THRAP3: variants seen among roughly 807,000 people sequenced by gnomAD.
THRAP3 encodes thyroid hormone receptor associated protein 3.
In THRAP3, 16 loss-of-function variants were observed where a neutral mutation model predicts 101.0. The ratio of observed to expected loss-of-function variants is 0.16; its 90% CI spans 0.11 to 0.24. The LOEUF is 0.24. Among genes scored for constraint, THRAP3 ranks in the 10% least tolerant of loss-of-function variants. The pLI is 1.00. For missense variants in THRAP3, 989 were observed against 1,202.7 expected (o/e 0.82, Z 2.63); for synonymous variants, 407 against 422.6 (o/e 0.96, Z 0.45).
At chr1:36,209,341 T>G in the THRAP3 span, among the ~76,000 whole-genome samples, 1 of 151,920 alleles carries the variant, frequency 6.6e-6, no homozygotes, top group Non-Finnish European at 1.5e-5. Flanking sequence ...AGATGAAGAG[T>G]TTCTCAACCT....
At chr1:36,263,959 T>TCAGTGTGTGCTAG (rs1553120422) in intron 2 of THRAP3, among the ~76,000 whole-genome samples, 2 of 152,264 alleles carry the variant, frequency 1.3e-5, no homozygotes, top group African/African-American at 4.8e-5. Context: ...GCACACCTCT[T>TCAGTGTGTGCTAG]CAGTGTGACA....
Position 36,300,920 on chromosome 1 carries a change from T to C in THRAP3, c.2338T>C (p.Ser780Pro), listed in dbSNP as rs770002257. ...HRRARDRSRS[S>P]SSSSQSSHSY... Reference sequence around the variant, plus strand: ...GAGAGCAAGAGACAGGTCCAGATCCTCCTCCTCTTCCTCCCAGTCATCTCA... The same window carrying C: ...GAGAGCAAGAGACAGGTCCAGATCCCCCTCCTCTTCCTCCCAGTCATCTCA... The change falls in exon 10 of 12, where the codon TCC becomes CCC. Residue 780 changes from serine to proline, a missense_variant. Ser to Pro is a moderately conservative substitution (Grantham distance 74, BLOSUM62 -1). Coordinates refer to ENST00000354618, the MANE Select transcript of THRAP3 (RefSeq NM_005119.4). 1 of 1,613,804 alleles carries C rather than the reference T, an allele frequency of 6.2e-7. No homozygotes were observed. The highest frequency in any genetic ancestry group is 1.1e-5 in the South Asian group (1 of 91,066).
intron 2 of THRAP3, among the ~76,000 whole-genome samples, chr1:36,276,594 T>A (rs985691778): frequency 6.7e-6 from 1 of 149,642 alleles, no homozygotes; most frequent in African/African-American, 2.5e-5. Context: ...TGGAGGCTCA[T>A]GCCTGTAATC....
chr1:36,272,755 C>CCT (rs1264460284), intron 2 of THRAP3, among the ~76,000 whole-genome samples: 1 of 152,114 alleles, frequency 6.6e-6, no homozygotes, highest in Non-Finnish European at 1.5e-5. Context: ...GCATGGCTCT[C>CCT]CTGACTGGAT....
chr1:36,294,949 C>T (rs1217514555), intron 8 of THRAP3, among the ~76,000 whole-genome samples: 1 of 152,110 alleles, frequency 6.6e-6, no homozygotes, highest in African/African-American at 2.4e-5. Context: ...AACGGCCGGG[C>T]AAGGTGGCTC....
In THRAP3 at chr1:36,280,999, C is replaced by T. The variant is rs139517435; in HGVS notation, c.-31-1534C>T. 9.6e-3 allele frequency among the ~76,000 whole-genome samples: 1,439 copies of T among 150,266 alleles called. 16 individuals carry two copies. The highest frequency in any genetic ancestry group is 0.034 in the African/African-American group (1,380 of 40,942). On this transcript the variant is annotated intron_variant, in intron 2 of 11. Transcript: ENST00000354618. ...GGAGTGCAATGGCGCGATCTTGGCT[C>T]GCTGTAACCTCTGCCTCCTGGGTTC...
At chr1:36,301,502 C>A in intron 10 of THRAP3, 51 bp from the exon 11 acceptor site, 1 of 1,590,640 alleles carries the variant, frequency 6.3e-7, no homozygotes, top group South Asian at 1.1e-5. Context: ...GGGGTTTGTT[C>A]CCCATTCCTG....
intron 2 of THRAP3, among the ~76,000 whole-genome samples, chr1:36,274,834 T>C (rs1348170176): frequency 6.7e-6 from 1 of 150,334 alleles, no homozygotes; most frequent in Admixed American, 6.6e-5. Context: ...GGTTTCACCA[T>C]GTTGGCCAGG....
At chr1:36,295,954 CTTTTTTTTTTTTTTTTTT>C (rs575028397) in intron 8 of THRAP3, among the ~76,000 whole-genome samples, 11 of 60,498 alleles carry the variant, frequency 1.8e-4, no homozygotes, top group East Asian at 2.0e-3. Flanking sequence ...GCCTTCTCAA[CTTTTTTTTTTTTTTTTTT>C]TTTTTTTTTT....
chr1:36,270,143 C>G lies in THRAP3; in HGVS notation c.-32+10659C>G, dbSNP rs180934608. 2.0e-5 allele frequency among the ~76,000 whole-genome samples: 3 copies of G among 152,308 alleles called. No individual in the cohort carries two copies. The East Asian group carries it at 5.8e-4, about 29-fold the overall frequency. ...TTGGCTCATGCCTGTAATCCCAGCA[C>G]TTTGGAAGGCTGAGGAGGGAGGACT... On this transcript the variant is annotated intron_variant, in intron 2 of 11. Transcript: ENST00000354618.
rs763054528 is a variant in THRAP3, at chr1:36,301,710, G to T, written c.2646+14G>T. ...AAGTATTACTTGGTATGTGTCTGGG[G>T]ATAACCAGGAAGGGTTAGAGGGCCT... is the stretch of plus-strand genomic sequence containing the variant. On this transcript the variant is annotated intron_variant, in intron 11 of 11. Coordinates refer to ENST00000354618, the MANE Select transcript of THRAP3 (RefSeq NM_005119.4). 2 of 1,608,634 alleles carry T rather than the reference G, an allele frequency of 1.2e-6. No homozygotes were observed. Among genetic ancestry groups the T allele is most frequent in the Non-Finnish European group, 1.7e-6 (2 of 1,177,270 alleles).
intron 2 of THRAP3, among the ~76,000 whole-genome samples, chr1:36,277,406 G>T (rs1219233473): frequency 1.3e-5 from 2 of 151,174 alleles, no homozygotes; most frequent in Non-Finnish European, 2.9e-5. Flanking sequence ...CGCCATGTTG[G>T]TCAGGCTGGT....
chr1:36,262,794 A>ATTTAT, intron 2 of THRAP3, among the ~76,000 whole-genome samples: 1 of 143,398 alleles, frequency 7.0e-6, no homozygotes. Context: ...TTATTTATTT[A>ATTTAT]TTATTATTAT....
chr1:36,293,640 C>CTGTGTGTG (rs577292328), intron 7 of THRAP3, among the ~76,000 whole-genome samples: 37,023 of 133,092 alleles, frequency 0.28, 5,430 homozygotes, highest in South Asian at 0.38. Flanking sequence ...GAACCTGGGA[C>CTGTGTGTG]TGTGTGTGTG....
At chr1:36,213,955 G>GAA in the THRAP3 span, among the ~76,000 whole-genome samples, 1 of 116,220 alleles carries the variant, frequency 8.6e-6, no homozygotes, top group African/African-American at 3.9e-5. Flanking sequence ...AAGAAAGAAA[G>GAA]AAAGAAGGAA....
rs1412573598 is a variant in THRAP3, at chr1:36,301,534, C to G, written c.2503-19C>G. 1 of 1,605,616 alleles carries G rather than the reference C, an allele frequency of 6.2e-7. No individual in the cohort carries two copies. Among genetic ancestry groups the G allele is most frequent in the Non-Finnish European group, 8.5e-7 (1 of 1,177,288 alleles). On this transcript the variant is annotated intron_variant, in intron 10 of 11. Transcript: ENST00000354618. ...CCTGGCATGATCCTTTGTTCTTTTT[C>G]CCTCATTTATTGCAATAGCAGTTTC...
At chr1:36,276,513 G>C (rs983511843) in intron 2 of THRAP3, among the ~76,000 whole-genome samples, 37 of 109,024 alleles carry the variant, frequency 3.4e-4, no homozygotes, top group Admixed American at 3.2e-3. Context: ...AACAGAGCCA[G>C]ACTCTGTCTC....
rs1645799174 is a variant in THRAP3, at chr1:36,286,687, C to T, written c.457C>T (p.Arg153Trp). 9 of 1,614,154 alleles carry T rather than the reference C, an allele frequency of 5.6e-6. No individual in the cohort carries two copies. The highest frequency in any genetic ancestry group is 7.6e-6 in the Non-Finnish European group (9 of 1,180,022). ...AAACTCTGATAAGTCGTCTTCTGAC[C>T]GGTCAAGGCGCTCCTCATCCTCCCG... is the stretch of plus-strand genomic sequence containing the variant. ...SRNSDKSSSD[R>W]SRRSSSSRSS... is the part of the protein sequence containing the mutation. Residue 153 changes from arginine to tryptophan, a missense_variant, in exon 4 of 12, where the codon CGG (arginine) becomes TGG (tryptophan). Coordinates refer to ENST00000354618, the MANE Select transcript of THRAP3 (RefSeq NM_005119.4). This position sits in a 1 kb window ranked among gnomAD's most constrained non-coding sequence, Gnocchi z 5.5.
intron 1 of THRAP3, among the ~76,000 whole-genome samples, chr1:36,226,235 G>T (rs1328183047): frequency 1.3e-5 from 2 of 152,092 alleles, no homozygotes; most frequent in Non-Finnish European, 2.9e-5. Context: ...TTGATGACTG[G>T]GAGGGTACAC....
Sources: gnomAD v4.1 joint callset for allele counts (sites outside exome capture counted in the v4.1 genomes callset) on GRCh38, gnomAD v4.1.1 for gene constraint, Gnocchi (gnomAD v3.1) non-coding constraint, MANE v1.5 for transcripts, NCBI Gene and HGNC (gene_info 2026-07-23, HGNC 2026-07-21) for gene names.